Variants in SLC8A2 observed in about 807,000 individuals in gnomAD.
SLC8A2 encodes solute carrier family 8 member A2.
SLC8A2 carries 14 observed loss-of-function variants against 70.2 expected under a neutral mutation model. The ratio of observed to expected loss-of-function variants is 0.20; its 90% CI spans 0.13 to 0.31. The LOEUF is 0.31. Among genes scored for constraint, SLC8A2 ranks in the 10% least tolerant of loss-of-function variants. The pLI is 1.00. For missense variants in SLC8A2, 779 were observed against 1,320.1 expected, an observed-to-expected ratio of 0.59 and a Z score of 6.35; for synonymous variants, 575 against 594.3, an observed-to-expected ratio of 0.97 and a Z score of 0.47.
chr19:47,457,137 C>T lies in SLC8A2; in HGVS notation c.1133G>A (p.Arg378Lys). ...GCCCGCGCCCTCGGCCGGCGCCGCC[C>T]TGCGCGAGGCGTCCGCCGCGTGTCT... ...LRRHAADASR[R>K]AAPAEGAGED... is the part of the protein sequence containing the mutation. The change falls in exon 3 of 10, where the codon AGG (arginine) becomes AAG (lysine). Residue 378 changes from arginine (R) to lysine (K), a missense_variant. Coordinates refer to ENST00000236877, the MANE Select transcript of SLC8A2 (RefSeq NM_015063.3). 1 of 1,543,080 alleles carries T rather than the reference C, an allele frequency of 6.5e-7. No homozygotes were observed. The highest frequency in any genetic ancestry group is 1.2e-5 in the South Asian group (1 of 83,364).
rs201891803 is a variant in SLC8A2, at chr19:47,466,236, G to A, written c.168C>T (p.Pro56=). Residue 56 remains proline, a synonymous_variant, in exon 2 of 10, where the codon CCC becomes CCT. Transcript: ENST00000236877. This position sits in a 1 kb window ranked among gnomAD's most constrained non-coding sequence, Gnocchi z 6.9. The part of the protein sequence containing the change: ...SYRCQPGVLL[P]VWEPDDPSLG... Reference sequence around the variant, plus strand: ...GCGACGGGTCGTCGGGCTCCCACACGGGCAGCAGCACCCCCGGCTGGCAGC... The same window carrying A: ...GCGACGGGTCGTCGGGCTCCCACACAGGCAGCAGCACCCCCGGCTGGCAGC... The A allele has an allele frequency of 9.5e-5, 152 of 1,605,482 alleles. 1 individual carries two copies. The highest frequency in any genetic ancestry group is 6.6e-4 in the South Asian group (60 of 90,472).
intron 7 of SLC8A2, 41 bp from the exon 8 acceptor site, chr19:47,437,602 C>G (rs745730651): frequency 6.7e-7 from 1 of 1,490,088 alleles, no homozygotes; most frequent in African/African-American, 1.4e-5. Context: ...TGCCCCTGAG[C>G]GAACCAGGGA....
intron 1 of SLC8A2, among the ~76,000 whole-genome samples, chr19:47,467,735 G>C (rs1967481480): frequency 1.3e-5 from 2 of 149,796 alleles, no homozygotes; most frequent in African/African-American, 4.9e-5. Flanking sequence ...GCTCACGCCT[G>C]TAATCCCAGC....
chr19:47,430,078 T>C lies in SLC8A2; in HGVS notation c.*11A>G. The C allele has an allele frequency of 6.4e-7, 1 of 1,574,286 alleles. No homozygotes were observed. Among genetic ancestry groups the C allele is most frequent in the Non-Finnish European group, 8.6e-7 (1 of 1,159,530 alleles). Reference sequence around the variant, plus strand: ...CGGGCGGGCGGTGGGGACGAGTCTCTGCGCGAGGCCCTAGAAGCCCCGGAT... The same window carrying C: ...CGGGCGGGCGGTGGGGACGAGTCTCCGCGCGAGGCCCTAGAAGCCCCGGAT... On this transcript the variant is annotated 3_prime_UTR_variant, in exon 10 of 10. Transcript: ENST00000236877. The surrounding 1 kb of genome is among the most constrained non-coding windows in gnomAD (Gnocchi z 5.9).
At chr19:47,438,687 C>T (rs1357822750) in intron 6 of SLC8A2, among the ~76,000 whole-genome samples, 1 of 152,178 alleles carries the variant, frequency 6.6e-6, no homozygotes, top group African/African-American at 2.4e-5. Flanking sequence ...CTGTCATCAA[C>T]ACTGACTCCA....
chr19:47,437,401 C>A (rs946274953), intron 8 of SLC8A2, 61 bp downstream of exon 8: 3 of 1,182,282 alleles, frequency 2.5e-6, no homozygotes, highest in Non-Finnish European at 3.8e-6. Flanking sequence ...CATTTCTCCC[C>A]CTTTCCCTGT....
At position 47,465,710 on chromosome 19, in the gene SLC8A2, T is replaced by C. The variant is rs901160545; in HGVS notation, c.675+19A>G. 1.9e-6 allele frequency: 3 copies of C among 1,588,648 alleles called. No homozygotes were observed. Among genetic ancestry groups the C allele is most frequent in the Non-Finnish European group, 2.6e-6 (3 of 1,164,270 alleles). On this transcript the variant is annotated intron_variant, in intron 2 of 9. Coordinates refer to ENST00000236877, the MANE Select transcript of SLC8A2 (RefSeq NM_015063.3). The surrounding 1 kb of genome is among the most constrained non-coding windows in gnomAD (Gnocchi z 5.5). ...CAGACACACATGCACCAAGAAAGCA[T>C]CTATGCGTCTTTGCTCACCTGGACC...
rs1343468804 is a variant in SLC8A2, at chr19:47,448,120, G to C, written c.1452C>G (p.Asn484Lys). The change falls in exon 4 of 10, where the codon AAC (asparagine) becomes AAG (lysine). Residue 484 changes from asparagine (N) to lysine (K), a missense_variant. Coordinates refer to ENST00000236877, the MANE Select transcript of SLC8A2 (RefSeq NM_015063.3). This position sits in a 1 kb window ranked among gnomAD's most constrained non-coding sequence, Gnocchi z 4.8. ...EDEHFFVRLL[N>K]LRVGDAQGMF... Reference sequence around the variant, plus strand: ...TGCCCTGCGCGTCGCCCACGCGCAGGTTCAGCAGCCGCACGAAGAAATGCT... The same window carrying C: ...TGCCCTGCGCGTCGCCCACGCGCAGCTTCAGCAGCCGCACGAAGAAATGCT... 1.9e-6 allele frequency: 3 copies of C among 1,611,898 alleles called. No homozygotes were observed. The highest frequency in any genetic ancestry group is 2.5e-6 in the Non-Finnish European group (3 of 1,179,480).
intron 6 of SLC8A2, among the ~76,000 whole-genome samples, chr19:47,439,001 GGGCGTGGCCAC>G (rs1967065547): frequency 6.6e-6 from 1 of 152,150 alleles, no homozygotes; most frequent in South Asian, 2.1e-4. Flanking sequence ...CCTTGCAGCT[GGGCGTGGCCAC>G]GGCCTGAGTT....
intron 2 of SLC8A2, among the ~76,000 whole-genome samples, chr19:47,459,564 G>A (rs1206721750): frequency 6.6e-6 from 1 of 151,862 alleles, no homozygotes; most frequent in Non-Finnish European, 1.5e-5. Context: ...ATGTGCATGT[G>A]TATATGTGTA....
Position 47,430,440 on chromosome 19 carries a change from C to G in SLC8A2, c.2415G>C (p.Ala805=). ...IPDTFASKVA[A]LQDQCADASI... ...ACGCGTCGGCGCACTGGTCCTGCAG[C>G]GCCGCCACCTTGCTGGCGAACGTGT... The change falls in exon 10 of 10, where the codon GCG becomes GCC. Residue 805 remains alanine (A), a synonymous_variant. Coordinates refer to ENST00000236877, the MANE Select transcript of SLC8A2 (RefSeq NM_015063.3). This position sits in a 1 kb window ranked among gnomAD's most constrained non-coding sequence, Gnocchi z 5.9. The G allele has an allele frequency of 1.2e-6, 2 of 1,603,352 alleles. No individual in the cohort carries two copies. Among genetic ancestry groups the G allele is most frequent in the Non-Finnish European group, 1.7e-6 (2 of 1,175,884 alleles).
intron 2 of SLC8A2, 112 bp from the exon 3 acceptor site, chr19:47,457,706 C>T: frequency 3.4e-6 from 2 of 589,716 alleles, no homozygotes; most frequent in South Asian, 5.1e-5. Context: ...CCCCAACCCC[C>T]AACCCCGCCC....
chr19:47,447,468 T>G lies in SLC8A2; in HGVS notation c.1763+341A>C. 1 of 351,814 alleles carries G rather than the reference T, an allele frequency of 2.8e-6. No homozygotes were observed. The highest frequency in any genetic ancestry group is 5.2e-6 in the Non-Finnish European group (1 of 191,214). The allele number at this position is 351,814 out of a possible 1,614,324, so 21.8% of individuals were successfully genotyped here. ...CACCCTTCTAGGCCTCGCCTCTTCA[T>G]TTCACAGTCACAACCCCACCAGGCC... On this transcript the variant is annotated intron_variant, in intron 4 of 9. Coordinates refer to ENST00000236877, the MANE Select transcript of SLC8A2 (RefSeq NM_015063.3). This position sits in a 1 kb window ranked among gnomAD's most constrained non-coding sequence, Gnocchi z 5.1.
In SLC8A2 at chr19:47,468,717, A is replaced by C. The variant is rs1042960842; in HGVS notation, c.-16-2298T>G. Among the ~76,000 whole-genome samples, 2 of 152,104 alleles carry C rather than the reference A, an allele frequency of 1.3e-5. No homozygotes were observed. The highest frequency in any genetic ancestry group is 2.9e-5 in the Non-Finnish European group (2 of 68,010). ...TCTGGGGAGCACCCCTCCATTCCAC[A>C]GGTGAGAGGACCAAGGCGCAGAGAG... is the stretch of plus-strand genomic sequence containing the variant. On this transcript the variant is annotated intron_variant, in intron 1 of 9. Transcript: ENST00000236877. The surrounding 1 kb of genome is among the most constrained non-coding windows in gnomAD (Gnocchi z 5.1).
rs1238161184 is a variant in SLC8A2 at position 47,430,769 on chromosome 19, C to G, written c.2390-304G>C. On this transcript the variant is annotated intron_variant, in intron 9 of 9. Coordinates refer to ENST00000236877, the MANE Select transcript of SLC8A2 (RefSeq NM_015063.3). The surrounding 1 kb of genome is among the most constrained non-coding windows in gnomAD (Gnocchi z 5.9). ...CGAGACGGAGTTTTGCTCTGTCACCCAGGCTGGAGTGCAGTGGCGTGATCT... is the reference window on the plus strand; with the variant it reads ...CGAGACGGAGTTTTGCTCTGTCACCGAGGCTGGAGTGCAGTGGCGTGATCT... Among the ~76,000 whole-genome samples the G allele has an allele frequency of 6.6e-6, 1 of 152,192 alleles. No homozygotes were observed.
At chr19:47,456,795 G>T in intron 3 of SLC8A2, 135 bp downstream of exon 3, 1 of 932,688 alleles carries the variant, frequency 1.1e-6, no homozygotes, top group Non-Finnish European at 1.5e-6. Flanking sequence ...AGGCTCTCAG[G>T]AATGAATGAA....
chr19:47,468,789 G>A lies in SLC8A2; in HGVS notation c.-16-2370C>T, dbSNP rs114196436. On this transcript the variant is annotated intron_variant, in intron 1 of 9. Coordinates refer to ENST00000236877, the MANE Select transcript of SLC8A2 (RefSeq NM_015063.3). The surrounding 1 kb of genome is among the most constrained non-coding windows in gnomAD (Gnocchi z 5.1). ...ATCCAGCACCAACTCTGGCTCCCAGGTCGCCTCTCCAAGAGTGGCCCTGAC... is the reference window on the plus strand; with the variant it reads ...ATCCAGCACCAACTCTGGCTCCCAGATCGCCTCTCCAAGAGTGGCCCTGAC... 5.5e-3 allele frequency among the ~76,000 whole-genome samples: 833 copies of A among 152,200 alleles called. 8 individuals are homozygous for A. The highest frequency in any genetic ancestry group is 0.019 in the African/African-American group (790 of 41,530).
chr19:47,462,571 A>T (rs935664322), intron 2 of SLC8A2, among the ~76,000 whole-genome samples: 3 of 134,258 alleles, frequency 2.2e-5, no homozygotes, highest in Non-Finnish European at 4.8e-5. Context: ...GCCTATGTAT[A>T]TCTTTTTTAA....
rs749738389 is a variant in SLC8A2, at chr19:47,447,880, G to A, written c.1692C>T (p.Gly564=). The change falls in exon 4 of 10, where the codon GGC becomes GGT. Residue 564 remains glycine, a synonymous_variant. Transcript: ENST00000236877. The surrounding 1 kb of genome is among the most constrained non-coding windows in gnomAD (Gnocchi z 5.1). ...AGTGCACGCCGCCGCCGCGCGCCGT[G>A]CCGTCCACCGTGCGGTAGGGAAGGC... ...TVRLPYRTVD[G]TARGGGVHYE... 2.5e-6 allele frequency: 4 copies of A among 1,592,934 alleles called. No individual in the cohort carries two copies. The highest frequency in any genetic ancestry group is 2.7e-5 in the African/African-American group (2 of 73,820).
Sources: gnomAD v4.1 joint callset for allele counts (sites outside exome capture counted in the v4.1 genomes callset) on GRCh38, gnomAD v4.1.1 for gene constraint, Gnocchi (gnomAD v3.1) non-coding constraint, MANE v1.5 for transcripts, NCBI Gene and HGNC (gene_info 2026-07-23, HGNC 2026-07-21) for gene names.